MBNL1: variants seen among roughly 807,000 people sequenced by gnomAD.
MBNL1 encodes the protein muscleblind like splicing regulator 1.
MBNL1 carries 8 observed loss-of-function variants against 42.2 expected under a neutral mutation model. The ratio of observed to expected loss-of-function variants is 0.19; its 90% CI spans 0.11 to 0.34. The LOEUF is 0.34. Among genes scored for constraint, MBNL1 ranks in the 10% least tolerant of loss-of-function variants. The probability of loss-of-function intolerance (pLI) is 1.00; values close to 1 mark genes in which losing one functional copy is unlikely to be tolerated. For missense variants in MBNL1, 309 were observed against 495.3 expected (o/e 0.62, Z 3.57); for synonymous variants, 169 against 173.9 (o/e 0.97, Z 0.22).
intron 2 of MBNL1, among the ~76,000 whole-genome samples, chr3:152,314,725 T>C (rs143811432): frequency 4.6e-5 from 7 of 152,336 alleles, no homozygotes; most frequent in Non-Finnish European, 7.4e-5. Flanking sequence ...TTTGAGACTT[T>C]TAACATCATT....
At chr3:152,388,775 G>A (rs1050671977) in intron 2 of MBNL1, among the ~76,000 whole-genome samples, 1 of 152,206 alleles carries the variant, frequency 6.6e-6, no homozygotes, top group African/African-American at 2.4e-5. Context: ...GTAGGTATCT[G>A]GCAGCACATC....
At chr3:152,357,528 G>A (rs1268042371) in intron 2 of MBNL1, among the ~76,000 whole-genome samples, 1 of 152,160 alleles carries the variant, frequency 6.6e-6, no homozygotes, top group Non-Finnish European at 1.5e-5. Context: ...TCAGCCACGG[G>A]TGGGTGTGGG....
At position 152,383,658 on chromosome 3, in the gene MBNL1, C is replaced by A. The variant is rs145670368; in HGVS notation, c.175-31283C>A. 6.6e-5 allele frequency among the ~76,000 whole-genome samples: 10 copies of A among 152,128 alleles called. No homozygotes were observed. In the East Asian group the frequency reaches 1.9e-3, roughly 29 times the overall value. On this transcript the variant is annotated intron_variant, in intron 2 of 9. Transcript: ENST00000324210. ...CCCTCCAGAGTTGTTTTTGTAGAAT[C>A]ATCTGGGCAGCTGTGCGTTGTATTC...
chr3:152,295,643 A>G (rs1484760906), intron 1 of MBNL1, among the ~76,000 whole-genome samples: 3 of 152,230 alleles, frequency 2.0e-5, no homozygotes, highest in African/African-American at 4.8e-5. Context: ...AGAGCTACAA[A>G]GTACCAGAAA....
chr3:152,300,943 C>T, intron 2 of MBNL1: 1 of 983,368 alleles, frequency 1.0e-6, no homozygotes. Flanking sequence ...GCTGCTACAG[C>T]ACCTTACCTG....
intron 2 of MBNL1, among the ~76,000 whole-genome samples, chr3:152,323,651 A>G (rs2077706227): frequency 6.6e-6 from 1 of 152,086 alleles, no homozygotes; most frequent in Admixed American, 6.6e-5. Flanking sequence ...CTGTTATCCT[A>G]TTGAATACTG....
At chr3:152,403,761 A>C (rs1021093536) in intron 2 of MBNL1, among the ~76,000 whole-genome samples, 1 of 152,082 alleles carries the variant, frequency 6.6e-6, no homozygotes, top group African/African-American at 2.4e-5. Context: ...ATGCTGTTGC[A>C]GTCCATCCAA....
chr3:152,340,961 C>T, intron 2 of MBNL1: 1 of 1,507,178 alleles, frequency 6.6e-7, no homozygotes, highest in Non-Finnish European at 8.9e-7. Context: ...ACCTATACCA[C>T]TTTCCTGAAG....
intron 1 of MBNL1, among the ~76,000 whole-genome samples, chr3:152,275,749 C>G (rs1379315171): frequency 6.8e-6 from 1 of 146,142 alleles, no homozygotes; most frequent in Non-Finnish European, 1.5e-5. Flanking sequence ...ATGTTTATAC[C>G]AGGCAGGTAG....
intron 2 of MBNL1, among the ~76,000 whole-genome samples, chr3:152,358,668 A>C (rs1275427258): frequency 6.6e-6 from 1 of 152,160 alleles, no homozygotes; most frequent in Admixed American, 6.5e-5. Flanking sequence ...TTACATAAGG[A>C]AGCACTAGTT....
At chr3:152,312,431 AG>A (rs1331164263) in intron 2 of MBNL1, among the ~76,000 whole-genome samples, 3 of 152,214 alleles carry the variant, frequency 2.0e-5, no homozygotes, top group Non-Finnish European at 4.4e-5. Context: ...ACAGCCAATT[AG>A]AAATATATTT....
At position 152,319,614 on chromosome 3, in the gene MBNL1, G is replaced by GTTTTTT. The variant is rs202070328; in HGVS notation, c.174+19267_174+19272dup. On this transcript the variant is annotated intron_variant, in intron 2 of 9. Transcript: ENST00000324210. ...TACGGTGGCATTAAAGTTCTATACT[G>GTTTTTT]TTTTTTTTTTTTTTTTTTTTTTTTT... Among the ~76,000 whole-genome samples, 639 of 80,462 alleles carry GTTTTTT rather than the reference G, an allele frequency of 7.9e-3. 65 individuals are homozygous for GTTTTTT. The highest frequency in any genetic ancestry group is 9.6e-3 in the South Asian group (22 of 2,294). The allele number at this position is 80,462 out of a possible 152,430, so 52.8% of individuals were successfully genotyped here.
At chr3:152,374,806 C>T (rs976789173) in intron 2 of MBNL1, among the ~76,000 whole-genome samples, 3 of 152,236 alleles carry the variant, frequency 2.0e-5, no homozygotes, top group Admixed American at 6.5e-5. Context: ...TGCCCACTGG[C>T]GGCAAATCCT....
chr3:152,269,115 T>C (rs951718967), intron 1 of MBNL1, 23 bp downstream of exon 1: 3 of 449,858 alleles, frequency 6.7e-6, no homozygotes, highest in Non-Finnish European at 1.3e-5. Flanking sequence ...TTTCACAGTT[T>C]CCCCGCGCCG....
intron 2 of MBNL1, among the ~76,000 whole-genome samples, chr3:152,403,051 G>A (rs2098295188): frequency 6.6e-6 from 1 of 152,010 alleles, no homozygotes; most frequent in African/African-American, 2.4e-5. Flanking sequence ...AGAAATCACA[G>A]ATATATTCCT....
At chr3:152,448,065 A>G (rs1201398830) in intron 6 of MBNL1, among the ~76,000 whole-genome samples, 1 of 152,214 alleles carries the variant, frequency 6.6e-6, no homozygotes, top group African/African-American at 2.4e-5. Flanking sequence ...CAACACTTAT[A>G]TATGTCTGTC....
At chr3:152,354,307 TAAC>T (rs2095341342) in intron 2 of MBNL1, among the ~76,000 whole-genome samples, 1 of 152,068 alleles carries the variant, frequency 6.6e-6, no homozygotes, top group Admixed American at 6.6e-5. Context: ...ATAATAATAA[TAAC>T]TGAGCATGGT....
At chr3:152,462,189 G>T (rs1342729697) in intron 9 of MBNL1, among the ~76,000 whole-genome samples, 196 bp from the exon 10 acceptor site, 1 of 152,002 alleles carries the variant, frequency 6.6e-6, no homozygotes, top group Admixed American at 6.6e-5. Flanking sequence ...TAAATTGTAC[G>T]TGTTATTTCA....
intron 2 of MBNL1, among the ~76,000 whole-genome samples, chr3:152,319,653 ACT>A (rs2075144733): frequency 7.4e-6 from 1 of 135,860 alleles, no homozygotes; most frequent in African/African-American, 2.8e-5. Context: ...TGGACAACAG[ACT>A]CTCCAAAAAA....
Sources: allele counts gnomAD v4.1 joint callset (sites outside exome capture counted in the v4.1 genomes callset), GRCh38; gene constraint gnomAD v4.1.1; transcripts MANE v1.5; gene names NCBI Gene and HGNC (gene_info 2026-07-23, HGNC 2026-07-21).